Variants in CDCA5 observed in about 807,000 individuals in gnomAD.
The protein encoded by CDCA5 is cell division cycle associated 5.
In CDCA5, 14 loss-of-function variants were observed where a neutral mutation model predicts 25.7. That is an observed-to-expected ratio of 0.54 (90% CI 0.36 to 0.85). The LOEUF (loss-of-function observed/expected upper bound fraction) is 0.85, where lower values mean the gene tolerates loss of function less well. Among genes scored for constraint, CDCA5 ranks in the 40% least tolerant of loss-of-function variants. The pLI is 0.01. For synonymous variants in CDCA5, 127 were observed against 128.7 expected (o/e 0.99, Z 0.09); for missense variants, 307 against 324.5 (o/e 0.95, Z 0.41).
At position 65,078,985 on chromosome 11, in the gene CDCA5, A is replaced by C; in HGVS notation, c.*122T>G. ...TCAAAGGCAGACAGTCCTCATGCGC[A>C]GCACCAGCACACACACAGGTAACAA... On this transcript the variant is annotated 3_prime_UTR_variant, in exon 6 of 6. Transcript: ENST00000275517. 1.5e-6 allele frequency: 2 copies of C among 1,320,544 alleles called. No individual in the cohort carries two copies. The highest frequency in any genetic ancestry group is 1.9e-6 in the Non-Finnish European group (2 of 1,038,182). 81.8% of individuals were successfully genotyped at this position (1,320,544 alleles called of 1,614,324 possible). A position where few individuals can be genotyped will look rare whatever the true frequency, so the allele number is the denominator to read the frequency against.
At position 65,067,731 on chromosome 11, in the gene CDCA5, G is replaced by A. The variant is rs1462398267; in HGVS notation, c.292C>T (p.Gln98Ter). 1 of 1,289,726 alleles carries A rather than the reference G, an allele frequency of 7.8e-7. No individual in the cohort carries two copies. Among genetic ancestry groups the A allele is most frequent in the Non-Finnish European group, 1.0e-6 (1 of 988,802 alleles). 79.9% of individuals were successfully genotyped at this position (1,289,726 alleles called of 1,614,324 possible). The change falls in exon 4 of 7, where the codon CAG becomes TAG. Residue 98 changes from glutamine to a stop codon, truncating the protein, a stop_gained. Transcript: ENST00000525464. LOFTEE classifies it high-confidence loss of function. ...CCCCAGTCCTCCTGATCTAAGAACT[G>A]GTACTCCTGGATCTCCGAGTCCCTG...
downstream of CDCA5, among the ~76,000 whole-genome samples, chr11:65,061,795 A>AG (rs1947188948): frequency 7.0e-6 from 1 of 143,228 alleles, no homozygotes; most frequent in South Asian, 2.2e-4. Flanking sequence ...AAAAAAAAAA[A>AG]CAAAAAAAAC....
chr11:65,063,622 C>A (rs1450321365), downstream of CDCA5, among the ~76,000 whole-genome samples: 7 of 152,218 alleles, frequency 4.6e-5, no homozygotes, highest in African/African-American at 1.7e-4. Context: ...ACGAAGCTAT[C>A]CCACCTGCCA....
downstream of CDCA5, among the ~76,000 whole-genome samples, chr11:65,075,679 T>C (rs1370367225): frequency 6.6e-6 from 1 of 151,968 alleles, no homozygotes; most frequent in East Asian, 1.9e-4. Context: ...AACACAGGAG[T>C]AGGCAAGCTG....
At chr11:65,069,975 G>A (rs1234249568) in intron 1 of CDCA5, among the ~76,000 whole-genome samples, 2 of 152,250 alleles carry the variant, frequency 1.3e-5, no homozygotes, top group African/African-American at 2.4e-5. Context: ...TGTACAGCGA[G>A]CCCTGGCTGC....
chr11:65,071,766 GAGGATGAGCAGAT>G (rs1947348366), intron 1 of CDCA5, among the ~76,000 whole-genome samples: 1 of 152,204 alleles, frequency 6.6e-6, no homozygotes, highest in Non-Finnish European at 1.5e-5. Flanking sequence ...GGTACGTGAG[GAGGATGAGCAGAT>G]AGACAGACAG....
At chr11:65,083,302 G>A (rs1441925740) in intron 4 of CDCA5, 62 bp downstream of exon 4, 4 of 1,591,098 alleles carry the variant, frequency 2.5e-6, no homozygotes, top group Non-Finnish European at 3.4e-6. Flanking sequence ...GAGCCAATGT[G>A]TGCTGTCCAG....
intron 2 of CDCA5, chr11:65,068,372 T>C: frequency 1.7e-6 from 1 of 602,596 alleles, no homozygotes; most frequent in Non-Finnish European, 2.6e-6. Context: ...CCCTGACAGC[T>C]GGAAGCTGGG....
downstream of CDCA5, among the ~76,000 whole-genome samples, chr11:65,075,229 T>C (rs915795718): frequency 6.6e-6 from 1 of 151,818 alleles, no homozygotes; most frequent in East Asian, 1.9e-4. Flanking sequence ...AAACCCCGTC[T>C]CTACTAAAAA....
At chr11:65,068,569 C>T (rs2137068781) in exon 2 of CDCA5, 1 of 1,289,414 alleles carries the variant, frequency 7.8e-7, no homozygotes, top group East Asian at 5.5e-5. Flanking sequence ...TGTTGGCCAG[C>T]TTGGAGTGGG....
chr11:65,082,062 T>C (rs997275419), intron 4 of CDCA5, among the ~76,000 whole-genome samples: 2 of 152,206 alleles, frequency 1.3e-5, no homozygotes, highest in East Asian at 1.9e-4. Flanking sequence ...AACCCAGTAC[T>C]GTATATCATC....
At chr11:65,062,359 T>C (rs1031320701), downstream of CDCA5, among the ~76,000 whole-genome samples, 5 of 152,126 alleles carry the variant, frequency 3.3e-5, no homozygotes, top group Non-Finnish European at 7.3e-5. Context: ...AAGTCTCCCT[T>C]TACACTCAGA....
At chr11:65,066,757 C>G in intron 5 of CDCA5, 1 of 1,287,866 alleles carries the variant, frequency 7.8e-7, no homozygotes, top group Non-Finnish European at 1.0e-6. Flanking sequence ...GAGAGCTGGG[C>G]TGGGAGGCAG....
chr11:65,068,200 C>T (rs981029145), intron 2 of CDCA5: 1 of 889,108 alleles, frequency 1.1e-6, no homozygotes, highest in African/African-American at 1.7e-5. Flanking sequence ...ACCCCCCATC[C>T]TTGCCATCTC....
chr11:65,079,245 T>A (rs781373223), intron 5 of CDCA5, 58 bp from the exon 6 acceptor site: 35 of 1,583,914 alleles, frequency 2.2e-5, no homozygotes, highest in Admixed American at 1.6e-4. Context: ...GGCTGGAGCA[T>A]CTCACCCACA....
At chr11:65,071,188 C>T (rs1424113515) in intron 1 of CDCA5, among the ~76,000 whole-genome samples, 6 of 151,486 alleles carry the variant, frequency 4.0e-5, no homozygotes, top group South Asian at 2.1e-4. Context: ...ATGATCTGCC[C>T]GCCTTGGCCT....
At chr11:65,062,386 T>C (rs939837886), downstream of CDCA5, among the ~76,000 whole-genome samples, 10 of 152,196 alleles carry the variant, frequency 6.6e-5, no homozygotes, top group Non-Finnish European at 1.2e-4. Context: ...GTCATGACAG[T>C]GGCCATAGAG....
At chr11:65,070,964 CAG>C (rs1334004294) in intron 1 of CDCA5, among the ~76,000 whole-genome samples, 4 of 141,390 alleles carry the variant, frequency 2.8e-5, no homozygotes, top group South Asian at 2.2e-4. Flanking sequence ...TTTTTTGAGA[CAG>C]AGTCTCGCTC....
exon 7 of CDCA5, chr11:65,066,433 G>A (rs1344233560): frequency 1.6e-5 from 20 of 1,268,484 alleles, no homozygotes; most frequent in Non-Finnish European, 2.0e-5. Context: ...GGCAGGTCAG[G>A]CAGCTTGAAG....
Sources: gnomAD v4.1 joint callset for allele counts (sites outside exome capture counted in the v4.1 genomes callset) on GRCh38, gnomAD v4.1.1 for gene constraint, MANE v1.5 for transcripts, NCBI Gene and HGNC (gene_info 2026-07-23, HGNC 2026-07-21) for gene names.